Variants in NAAA observed in about 807,000 individuals in gnomAD.
NAAA encodes the protein N-acylethanolamine acid amidase.
In NAAA, 39 loss-of-function variants were observed where a neutral mutation model predicts 44.8. That is an observed-to-expected ratio of 0.87 (90% CI 0.67 to 1.14). The LOEUF is 1.14. NAAA is among the 50% of genes most tolerant of loss of function. The pLI is 0.00. For synonymous variants in NAAA, 178 were observed against 191.3 expected, an observed-to-expected ratio of 0.93 and a Z score of 0.58; for missense variants, 460 against 467.8, an observed-to-expected ratio of 0.98 and a Z score of 0.15.
At chr4:75,912,934 C>G (rs1394832681), downstream of NAAA, among the ~76,000 whole-genome samples, 1 of 152,062 alleles carries the variant, frequency 6.6e-6, no homozygotes, top group African/African-American at 2.4e-5. Context: ...AGAAGAAACA[C>G]GAATATTCTG....
chr4:75,920,697 A>G (rs1560502623), intron 7 of NAAA, 41 bp downstream of exon 7: 1 of 1,613,056 alleles, frequency 6.2e-7, no homozygotes, highest in Non-Finnish European at 8.5e-7. Context: ...TCTCCTGACC[A>G]TAAGAAAACA....
chr4:75,919,805 C>A lies in NAAA; in HGVS notation c.969+104G>T, dbSNP rs759137057. 6.9e-6 allele frequency: 8 copies of A among 1,152,154 alleles called. No homozygotes were observed. In the East Asian group the frequency reaches 1.9e-4, roughly 27 times the overall value. The allele number at this position is 1,152,154 out of a possible 1,614,324, so 71.4% of individuals were successfully genotyped here. ...TGATTTCAACCAAATAAAACTTTTACCCTAACGTTTTCATCTACCAGAAGA... is the reference window on the plus strand; with the variant it reads ...TGATTTCAACCAAATAAAACTTTTAACCTAACGTTTTCATCTACCAGAAGA... On this transcript the variant is annotated intron_variant, in intron 8 of 10. Coordinates refer to ENST00000286733, the MANE Select transcript of NAAA (RefSeq NM_014435.4).
In NAAA at chr4:75,932,719, G is replaced by A. The variant is rs548331163; in HGVS notation, c.499-1415C>T. On this transcript the variant is annotated intron_variant, in intron 3 of 10. Transcript: ENST00000286733. ...GGGTCTCCCTATGTGGCCCAGGCTC[G>A]TCTCAAACTCCTGGGCTCAAGCAAT... 5.9e-5 allele frequency among the ~76,000 whole-genome samples: 9 copies of A among 152,126 alleles called. No homozygotes were observed. In the South Asian group the frequency reaches 1.5e-3, roughly 25 times the overall value.
chr4:75,913,812 C>A lies in NAAA; in HGVS notation c.*563G>T. The A allele has an allele frequency of 1.0e-6, 1 of 985,158 alleles. No homozygotes were observed. The highest frequency in any genetic ancestry group is 1.2e-6 in the Non-Finnish European group (1 of 829,722). 61.0% of individuals were successfully genotyped at this position (985,158 alleles called of 1,614,324 possible). A position where few individuals can be genotyped will look rare whatever the true frequency, so the allele number is the denominator to read the frequency against. On this transcript the variant is annotated 3_prime_UTR_variant, in exon 11 of 11. Coordinates refer to ENST00000286733, the MANE Select transcript of NAAA (RefSeq NM_014435.4). ...GAAAGAAGGAGGGCCATAGGTTTTT[C>A]AATAAAACGTTAGAAACATTATAAA...
At position 75,914,862 on chromosome 4, in the gene NAAA, A is replaced by G. The variant is rs1725502177; in HGVS notation, c.*36+6T>C. The G allele has an allele frequency of 6.2e-7, 1 of 1,608,200 alleles. No homozygotes were observed. ...ACCCCCTCTCCACAAAACAGTAACAACAAACCTTTCACAGCACGGGCGAAC... is the reference window on the plus strand; with the variant it reads ...ACCCCCTCTCCACAAAACAGTAACAGCAAACCTTTCACAGCACGGGCGAAC... On this transcript the variant is annotated splice_donor_region_variant and intron_variant, in intron 10 of 10. Coordinates refer to ENST00000286733, the MANE Select transcript of NAAA (RefSeq NM_014435.4).
intron 3 of NAAA, 174 bp downstream of exon 3, chr4:75,935,935 C>T (rs1727666086): frequency 2.9e-6 from 2 of 698,862 alleles, no homozygotes; most frequent in African/African-American, 3.6e-5. Context: ...AAATGACCGT[C>T]CTTCCTATAA....
intron 3 of NAAA, chr4:75,934,762 G>A (rs747209945): frequency 6.6e-6 from 1 of 152,190 alleles, no homozygotes; most frequent in Non-Finnish European, 1.5e-5. Context: ...AGTGTAAACT[G>A]TCTATATTCA....
In NAAA at chr4:75,929,082, G is replaced by A. The variant is rs150544051; in HGVS notation, c.589+2132C>T. On this transcript the variant is annotated intron_variant, in intron 4 of 10. Coordinates refer to ENST00000286733, the MANE Select transcript of NAAA (RefSeq NM_014435.4). ...GCTGGGATTACAGGCATGATCCACC[G>A]CGCCCGGCCCATCCCTGCTTTCGAG... Among the ~76,000 whole-genome samples the A allele has an allele frequency of 4.6e-3, 699 of 151,664 alleles. 5 individuals are homozygous for A. The highest frequency in any genetic ancestry group is 0.016 in the African/African-American group (674 of 41,334).
downstream of NAAA, among the ~76,000 whole-genome samples, chr4:75,911,611 G>A (rs1010364873): frequency 1.3e-5 from 2 of 152,132 alleles, no homozygotes; most frequent in African/African-American, 4.8e-5. Context: ...AGGACTAGTT[G>A]ACTCATGGTC....
chr4:75,915,532 C>T (rs1233792268), intron 9 of NAAA, among the ~76,000 whole-genome samples: 2 of 152,052 alleles, frequency 1.3e-5, no homozygotes, highest in African/African-American at 2.4e-5. Context: ...CTCTCAGTGG[C>T]CATGCACCAC....
intron 4 of NAAA, among the ~76,000 whole-genome samples, chr4:75,929,245 G>A (rs938818760): frequency 6.6e-6 from 1 of 152,194 alleles, no homozygotes; most frequent in African/African-American, 2.4e-5. Context: ...GCCTCCCCAT[G>A]CCCTGTGGCA....
rs757315612 is a variant in NAAA, at chr4:75,920,739, T to A, written c.901A>T (p.Arg301Ter). 4 of 1,614,210 alleles carry A rather than the reference T, an allele frequency of 2.5e-6. No individual in the cohort carries two copies. In the South Asian group the frequency reaches 4.4e-5, roughly 18 times the overall value. ...ACCAGAAAGCACGTAGCAGCCTACC[T>A]CCGGTCATCTTCCTTGGGTGCTGGC... ...WKPAPKEDDRRTSAIKALNAT... is the reference protein window; with the variant it reads ...WKPAPKEDDR The change falls in exon 7 of 11, where the codon AGA becomes TGA. Residue 301 changes from arginine to a stop codon, truncating the protein, a stop_gained and splice_region_variant. Coordinates refer to ENST00000286733, the MANE Select transcript of NAAA (RefSeq NM_014435.4). LOFTEE classifies it high-confidence loss of function.
At chr4:75,921,459 G>A (rs532763211) in intron 5 of NAAA, among the ~76,000 whole-genome samples, 4 of 152,238 alleles carry the variant, frequency 2.6e-5, no homozygotes, top group East Asian at 3.9e-4. Flanking sequence ...ATTTAAACAG[G>A]GTTTTCTTGA....
chr4:75,912,596 A>G (rs932243064), downstream of NAAA, among the ~76,000 whole-genome samples: 3 of 151,856 alleles, frequency 2.0e-5, no homozygotes, highest in African/African-American at 7.3e-5. Flanking sequence ...CCAACATGGC[A>G]AAAGCCCATT....
intron 9 of NAAA, chr4:75,916,620 C>G (rs1169498002): frequency 6.6e-6 from 1 of 152,060 alleles, no homozygotes; most frequent in African/African-American, 2.4e-5. Context: ...AATCTAACAA[C>G]TGGAGAATGC....
chr4:75,916,081 G>GT (rs1421767675), intron 9 of NAAA, among the ~76,000 whole-genome samples: 4 of 152,194 alleles, frequency 2.6e-5, no homozygotes, highest in African/African-American at 9.7e-5. Flanking sequence ...TTTAGTCATA[G>GT]TTCTGCTCTC....
intron 4 of NAAA, among the ~76,000 whole-genome samples, chr4:75,929,759 T>A (rs1727063980): frequency 6.6e-6 from 1 of 152,118 alleles, no homozygotes; most frequent in African/African-American, 2.4e-5. Context: ...TCAATCACCA[T>A]CTTCCTGGTA....
intron 9 of NAAA, chr4:75,917,879 C>T: frequency 3.3e-6 from 1 of 301,658 alleles, no homozygotes; most frequent in Non-Finnish European, 6.5e-6. Context: ...ATCAAGGGTA[C>T]AGGCTAAAAA....
intron 2 of NAAA, 101 bp from the exon 3 acceptor site, chr4:75,936,336 T>C (rs897268410): frequency 1.1e-5 from 15 of 1,381,602 alleles, no homozygotes; most frequent in Non-Finnish European, 1.4e-5. Context: ...AGTAAAAGTT[T>C]TTCTTCCTTA....
Sources: allele counts gnomAD v4.1 joint callset (sites outside exome capture counted in the v4.1 genomes callset), GRCh38; gene constraint gnomAD v4.1.1; transcripts MANE v1.5; gene names NCBI Gene and HGNC (gene_info 2026-07-23, HGNC 2026-07-21).